Variants in DIS3 observed in about 807,000 individuals in gnomAD.
DIS3 encodes the protein exosome complex exonuclease RRP44.
DIS3 carries 103 observed loss-of-function variants against 113.0 expected under a neutral mutation model. The observed-to-expected ratio is 0.91, with a 90% CI of 0.78 to 1.07. The LOEUF is 1.07. Ranked by LOEUF, DIS3 falls within the 50% of genes least tolerant of loss-of-function variation. The pLI is 0.00. For missense variants in DIS3, 1,121 were observed against 1,167.1 expected (o/e 0.96, Z 0.58); for synonymous variants, 402 against 394.3 (o/e 1.02, Z -0.23).
At chr13:72,780,493 G>A (rs1438037385) in intron 2 of DIS3, among the ~76,000 whole-genome samples, 1 of 151,972 alleles carries the variant, frequency 6.6e-6, no homozygotes, top group Non-Finnish European at 1.5e-5. Flanking sequence ...ATTACCCTCT[G>A]TTAGTTGTTC....
chr13:72,775,424 T>C (rs369946974), intron 5 of DIS3, 49 bp from the exon 6 acceptor site: 4 of 1,529,234 alleles, frequency 2.6e-6, no homozygotes, highest in East Asian at 2.3e-5. Context: ...TTAATGGCAA[T>C]ATAATAAAGG....
At chr13:72,772,439 C>T (rs914036726) in intron 9 of DIS3, among the ~76,000 whole-genome samples, 164 bp from the exon 10 acceptor site, 19 of 152,240 alleles carry the variant, frequency 1.2e-4, no homozygotes, top group African/African-American at 2.2e-4. Context: ...AGAGACACCA[C>T]GTATGATTTG....
chr13:72,777,889 A>C (rs1257814620), intron 3 of DIS3, among the ~76,000 whole-genome samples: 1 of 152,112 alleles, frequency 6.6e-6, no homozygotes. Flanking sequence ...TTATTTAAAA[A>C]ACAAAACCCA....
At chr13:72,770,513 G>A (rs1204505376) in intron 13 of DIS3, among the ~76,000 whole-genome samples, 1 of 152,176 alleles carries the variant, frequency 6.6e-6, no homozygotes, top group African/African-American at 2.4e-5. Flanking sequence ...GCTGGGGCTG[G>A]TTACTTTGGC....
intron 15 of DIS3, 55 bp from the exon 16 acceptor site, chr13:72,763,662 TATC>T: frequency 1.3e-6 from 2 of 1,513,302 alleles, no homozygotes; most frequent in Non-Finnish European, 1.8e-6. Context: ...GACTTCTATA[TATC>T]ATATTTTTTC....
chr13:72,778,502 G>A, intron 2 of DIS3, 122 bp from the exon 3 acceptor site: 3 of 671,416 alleles, frequency 4.5e-6, no homozygotes, highest in Non-Finnish European at 6.9e-6. Flanking sequence ...CTTTTCTCTT[G>A]AATGTATTCA....
rs115621566 is a variant in DIS3, at chr13:72,778,107, G to C, written c.580+80C>G. The C allele has an allele frequency of 4.6e-4, 559 of 1,213,472 alleles. 2 individuals are homozygous for C. The African/African-American group carries it at 7.5e-3, about 16-fold the overall frequency. The allele number at this position is 1,213,472 out of a possible 1,614,324, so 75.2% of individuals were successfully genotyped here. Reference sequence around the variant, plus strand: ...CTACGAAAATACTAAATAGTAAAGTGAACATCTGACTATAGGCCTAATGAT... The same window carrying C: ...CTACGAAAATACTAAATAGTAAAGTCAACATCTGACTATAGGCCTAATGAT... On this transcript the variant is annotated intron_variant, in intron 3 of 20. Transcript: ENST00000377767.
intron 5 of DIS3, 43 bp downstream of exon 5, chr13:72,775,881 AT>A: frequency 6.9e-7 from 1 of 1,457,152 alleles, no homozygotes; most frequent in Non-Finnish European, 9.3e-7. Flanking sequence ...TATATAAAAT[AT>A]CATCTTTATT....
At chr13:72,781,134 T>G in intron 1 of DIS3, 131 bp from the exon 2 acceptor site, 1 of 1,341,398 alleles carries the variant, frequency 7.5e-7, no homozygotes, top group Non-Finnish European at 1.0e-6. Context: ...GCCAAGAAGC[T>G]ATTTGGCTAT....
At chr13:72,776,584 G>GGGCTAA (rs1449055349) in intron 4 of DIS3, among the ~76,000 whole-genome samples, 1 of 152,094 alleles carries the variant, frequency 6.6e-6, no homozygotes, top group African/African-American at 2.4e-5. Flanking sequence ...TCTATAACAA[G>GGGCTAA]GGCTACCATT....
chr13:72,777,916 A>G (rs940976639), intron 3 of DIS3, among the ~76,000 whole-genome samples: 17 of 152,174 alleles, frequency 1.1e-4, no homozygotes, highest in African/African-American at 4.1e-4. Flanking sequence ...TGTTGATGTG[A>G]TCATACCTAA....
chr13:72,770,208 A>C (rs1468389752), intron 13 of DIS3, among the ~76,000 whole-genome samples: 2 of 120,366 alleles, frequency 1.7e-5, no homozygotes, highest in Admixed American at 1.7e-4. Context: ...TATTCTTTGT[A>C]AGTTTCTGAA....
Position 72,755,294 on chromosome 13 carries a change from G to A in DIS3, c.*4501C>T. On this transcript the variant is annotated 3_prime_UTR_variant, in exon 21 of 21. Coordinates refer to ENST00000377767, the MANE Select transcript of DIS3 (RefSeq NM_014953.5). ...TTGTGCACAGGATCAACATGATGGT[G>A]ACTGGGAAAAAATTACTTCAAGTAA... is the stretch of plus-strand genomic sequence containing the variant. 1.6e-6 allele frequency: 2 copies of A among 1,273,258 alleles called. No homozygotes were observed. The highest frequency in any genetic ancestry group is 2.2e-6 in the Non-Finnish European group (2 of 889,432). 78.9% of individuals were successfully genotyped at this position (1,273,258 alleles called of 1,614,324 possible).
In DIS3 at chr13:72,770,908, G is replaced by A. The variant is rs774908830; in HGVS notation, c.1751C>T (p.Ser584Leu). 2.0e-5 allele frequency: 32 copies of A among 1,594,154 alleles called. No homozygotes were observed. Among genetic ancestry groups the A allele is most frequent in the Non-Finnish European group, 2.7e-5 (31 of 1,169,210 alleles). The change falls in exon 13 of 21, where the codon TCA becomes TTA. Residue 584 changes from serine (S) to leucine (L), a missense_variant. This residue lies in a region of DIS3 where 861 missense variants were observed against 915.5 expected (regional missense o/e 0.94). Transcript: ENST00000377767. ...ATTAATAGCCATGAAACGAACCTTTGAATTAATAACACTTTTGGTAAACTT... is the reference window on the plus strand; with the variant it reads ...ATTAATAGCCATGAAACGAACCTTTAAATTAATAACACTTTTGGTAAACTT... Reference protein sequence around the residue: ...KTKFTKSVINSKASLTYAEAQ... With the variant: ...KTKFTKSVINLKASLTYAEAQ...
chr13:72,781,746 G>C lies in DIS3; in HGVS notation c.87C>G (p.Ile29Met). Residue 29 changes from isoleucine to methionine, a missense_variant, in exon 1 of 21, where the codon ATC becomes ATG. This residue lies in a region of DIS3 where 254 missense variants were observed against 232.2 expected (regional missense o/e 1.09). Transcript: ENST00000377767. ...CTGCGCACCCGGGCGCACCGCAGCC[G>C]ATGTCGTCTCGCAGGTAGTGCTCGC... is the stretch of plus-strand genomic sequence containing the variant. The part of the protein sequence containing the change: ...IVREHYLRDD[I>M]GCGAPGCAAC... 6.3e-7 allele frequency: 1 copy of C among 1,596,784 alleles called. No homozygotes were observed. The highest frequency in any genetic ancestry group is 8.5e-7 in the Non-Finnish European group (1 of 1,172,334).
In DIS3 at chr13:72,768,886, C is replaced by G; in HGVS notation, c.1782G>C (p.Gln594His). ...TCATGTTTGCTGAATCAATTCTCAA[C>G]TGAGCTTCAGCATACGTCAGAGATG... ...SKASLTYAEAQLRIDSANMND... is the reference protein window; with the variant it reads ...SKASLTYAEAHLRIDSANMND... Residue 594 changes from glutamine to histidine, a missense_variant, in exon 14 of 21, where the codon CAG becomes CAC. By Grantham distance (24) the Gln-to-His change is conservative. Transcript: ENST00000377767. 1 of 1,600,730 alleles carries G rather than the reference C, an allele frequency of 6.2e-7. No homozygotes were observed. The highest frequency in any genetic ancestry group is 1.3e-5 in the African/African-American group (1 of 74,678).
chr13:72,780,076 C>T (rs2034117903), intron 2 of DIS3, among the ~76,000 whole-genome samples: 1 of 151,828 alleles, frequency 6.6e-6, no homozygotes, highest in Middle Eastern at 3.4e-3. Context: ...GCCTGTAATC[C>T]CACCACTTTG....
Position 72,757,423 on chromosome 13 carries a change from CTTTTTT to C in DIS3, c.*2366_*2371del, listed in dbSNP as rs1198618507. On this transcript the variant is annotated 3_prime_UTR_variant, in exon 21 of 21. Transcript: ENST00000377767. ...CACCACACCTGGCTAATTTTCTTTT[CTTTTTT>C]TTTTTTTTTTTTTGCGATGGAGTCT... 3 of 68,490 alleles carry C rather than the reference CTTTTTT, an allele frequency of 4.4e-5. No individual in the cohort carries two copies. The highest frequency in any genetic ancestry group is 4.7e-4 in the South Asian group (1 of 2,130). 4.2% of individuals were successfully genotyped at this position (68,490 alleles called of 1,614,324 possible). A position where few individuals can be genotyped will look rare whatever the true frequency, so the allele number is the denominator to read the frequency against.
At chr13:72,760,759 G>T in intron 19 of DIS3, 108 bp from the exon 20 acceptor site, 1 of 1,337,628 alleles carries the variant, frequency 7.5e-7, no homozygotes, top group East Asian at 2.5e-5. Context: ...ATAAAAATTA[G>T]TAAGCATCTA....
Sources: gnomAD v4.1 joint callset for allele counts (sites outside exome capture counted in the v4.1 genomes callset) on GRCh38, gnomAD v4.1.1 for gene constraint, gnomAD v4.1.1 regional missense constraint, MANE v1.5 for transcripts, NCBI Gene and HGNC (gene_info 2026-07-23, HGNC 2026-07-21) for gene names.